Variants in TSPAN9 observed in about 807,000 individuals in gnomAD.
TSPAN9 encodes tetraspanin 9, also known as tetraspanin-9.
A neutral mutation model predicts 31.0 loss-of-function variants in TSPAN9; 16 were observed. The ratio of observed to expected loss-of-function variants is 0.52; its 90% CI spans 0.35 to 0.78. TSPAN9 has a LOEUF of 0.78. Among genes scored for constraint, TSPAN9 ranks in the 30% least tolerant of loss-of-function variants. The pLI is 0.01. For synonymous variants in TSPAN9, 145 were observed against 121.6 expected, an observed-to-expected ratio of 1.19 and a Z score of -1.27; for missense variants, 272 against 312.5, an observed-to-expected ratio of 0.87 and a Z score of 0.98.
intron 3 of TSPAN9, among the ~76,000 whole-genome samples, chr12:3,226,725 T>C (rs2098387487): frequency 2.6e-4 from 1 of 3,786 alleles, no homozygotes; most frequent in African/African-American, 4.4e-4. Flanking sequence ...TGTATGTGTG[T>C]GTGTGTGTGT....
chr12:3,132,841 C>T (rs1046417963), intron 2 of TSPAN9, among the ~76,000 whole-genome samples: 3 of 152,242 alleles, frequency 2.0e-5, no homozygotes, highest in Non-Finnish European at 4.4e-5. Context: ...TCATCGTCCC[C>T]ACCGCCCGCC....
At chr12:3,196,942 AAG>A (rs2098367323) in intron 2 of TSPAN9, among the ~76,000 whole-genome samples, 1 of 151,408 alleles carries the variant, frequency 6.6e-6, no homozygotes, top group African/African-American at 2.5e-5. Flanking sequence ...AGAGATGAAA[AAG>A]GGTTAGGAAG....
chr12:3,082,785 A>G lies in TSPAN9; in HGVS notation c.-84-868A>G, dbSNP rs140139138. Among the ~76,000 whole-genome samples the G allele has an allele frequency of 1.2e-3, 188 of 152,254 alleles. 1 individual carries two copies. Among genetic ancestry groups the G allele is most frequent in the Non-Finnish European group, 1.9e-3 (130 of 68,024 alleles). ...TGTGCTGGGTGATTGTGAAAATGCA[A>G]TGCCATTTGCTGTTTCCGGTAGGCA... On this transcript the variant is annotated intron_variant, in intron 1 of 8. Transcript: ENST00000011898.
At chr12:3,184,676 C>T (rs560099297) in intron 2 of TSPAN9, among the ~76,000 whole-genome samples, 12 of 151,932 alleles carry the variant, frequency 7.9e-5, no homozygotes, top group Admixed American at 3.9e-4. Flanking sequence ...GGGATGCTGC[C>T]GGGAGCCCCG....
Position 3,086,384 on chromosome 12 carries a change from AC to A in TSPAN9, c.-18+2669del, listed in dbSNP as rs1171258495. Reference sequence around the variant, plus strand: ...TATTATCTGTGCTTTGATTTACCACACCCCTTCCGCCCTCTGTTTTCTCTCA... The same window carrying A: ...TATTATCTGTGCTTTGATTTACCACACCCTTCCGCCCTCTGTTTTCTCTCA... On this transcript the variant is annotated intron_variant, in intron 2 of 8. Transcript: ENST00000011898. Among the ~76,000 whole-genome samples the A allele has an allele frequency of 2.0e-5, 3 of 150,288 alleles. No homozygotes were observed. In the East Asian group the frequency reaches 5.9e-4, roughly 29 times the overall value.
At chr12:3,264,888 C>T (rs1024823268) in intron 3 of TSPAN9, among the ~76,000 whole-genome samples, 21 of 152,296 alleles carry the variant, frequency 1.4e-4, no homozygotes, top group East Asian at 3.9e-4. Context: ...GGCTGGTAAA[C>T]GAGGGAACCT....
rs1335642500 is a variant in TSPAN9, at chr12:3,168,004, A to T, written c.-17-33173A>T. On this transcript the variant is annotated intron_variant, in intron 2 of 8. Transcript: ENST00000011898. The surrounding 1 kb of genome is among the most constrained non-coding windows in gnomAD (Gnocchi z 4.0). ...CTGTCCTCCTGGGAGGATTGGGGTC[A>T]GTTTGGTTTGCAGGCCTTTGTGGAT... Among the ~76,000 whole-genome samples the T allele has an allele frequency of 6.6e-6, 1 of 152,116 alleles. No individual in the cohort carries two copies. Among genetic ancestry groups the T allele is most frequent in the Non-Finnish European group, 1.5e-5 (1 of 68,022 alleles).
chr12:3,228,763 A>G (rs2098389173), intron 3 of TSPAN9, among the ~76,000 whole-genome samples: 2 of 152,330 alleles, frequency 1.3e-5, no homozygotes, highest in Admixed American at 6.5e-5. Context: ...ACAAATTACC[A>G]TACACTTGGT....
At chr12:3,182,619 T>G (rs939032108) in intron 2 of TSPAN9, among the ~76,000 whole-genome samples, 1 of 152,144 alleles carries the variant, frequency 6.6e-6, no homozygotes, top group Non-Finnish European at 1.5e-5. Context: ...GGAATACAAC[T>G]GGCACCCCAT....
At chr12:3,266,819 TG>T (rs1297472938) in intron 3 of TSPAN9, among the ~76,000 whole-genome samples, 1 of 152,140 alleles carries the variant, frequency 6.6e-6, no homozygotes, top group East Asian at 1.9e-4. Flanking sequence ...AATCAGGCTG[TG>T]GGCACAGGAT....
intron 2 of TSPAN9, among the ~76,000 whole-genome samples, chr12:3,100,178 C>T (rs1020791412): frequency 1.3e-5 from 2 of 152,184 alleles, no homozygotes; most frequent in African/African-American, 4.8e-5. Flanking sequence ...GGAATGTGAA[C>T]TCTGTCTGGC....
At chr12:3,145,282 G>A (rs372806229) in intron 2 of TSPAN9, among the ~76,000 whole-genome samples, 4 of 152,314 alleles carry the variant, frequency 2.6e-5, no homozygotes, top group Admixed American at 2.0e-4. Context: ...GCTCTCTCCC[G>A]TTGTGTCCTC....
At chr12:3,194,956 T>C (rs1308664023) in intron 2 of TSPAN9, among the ~76,000 whole-genome samples, 7 of 152,262 alleles carry the variant, frequency 4.6e-5, no homozygotes, top group Admixed American at 2.0e-4. Context: ...TTTTCTGTAC[T>C]GTACAGTGGA....
chr12:3,223,324 T>TC (rs1378540406), intron 3 of TSPAN9, among the ~76,000 whole-genome samples: 5 of 152,266 alleles, frequency 3.3e-5, no homozygotes, highest in South Asian at 4.1e-4. Context: ...CGCCAAGGCC[T>TC]CCTCCAGCAT....
Position 3,283,801 on chromosome 12 carries a change from A to T in TSPAN9, c.*685A>T, listed in dbSNP as rs1437188146. ...ATCTGTCCAGTCTCAATCAGGACAG[A>T]CCACCGTGCGACACCCAGGAGGCTC... On this transcript the variant is annotated 3_prime_UTR_variant, in exon 9 of 9. Transcript: ENST00000011898. 1 of 152,456 alleles carries T rather than the reference A, an allele frequency of 6.6e-6. No individual in the cohort carries two copies. Among genetic ancestry groups the T allele is most frequent in the Non-Finnish European group, 1.5e-5 (1 of 68,084 alleles). 9.4% of individuals were successfully genotyped at this position (152,456 alleles called of 1,614,324 possible).
intron 3 of TSPAN9, among the ~76,000 whole-genome samples, chr12:3,224,721 G>A (rs1308799784): frequency 3.3e-5 from 5 of 152,258 alleles, no homozygotes; most frequent in East Asian, 3.8e-4. Flanking sequence ...GGGTGGCCGC[G>A]TGATGGGCGG....
In TSPAN9 at chr12:3,274,846, C is replaced by T. The variant is rs73256366; in HGVS notation, c.64-3575C>T. ...TGCACAGGCCTCCTCACTGGGCAGA[C>T]GTGCACCATGCGTGGAGTTGTGCCA... On this transcript the variant is annotated intron_variant, in intron 3 of 8. Coordinates refer to ENST00000011898, the MANE Select transcript of TSPAN9 (RefSeq NM_006675.5). Among the ~76,000 whole-genome samples, 732 of 152,348 alleles carry T rather than the reference C, an allele frequency of 4.8e-3. 32 individuals carry two copies. The East Asian group carries it at 0.094, about 19-fold the overall frequency.
chr12:3,200,438 C>A (rs2098370802), intron 2 of TSPAN9: 1 of 152,324 alleles, frequency 6.6e-6, no homozygotes, highest in Non-Finnish European at 1.5e-5. Context: ...GCGGCAGCTC[C>A]GCAAAGTCGC....
intron 2 of TSPAN9, among the ~76,000 whole-genome samples, chr12:3,153,730 TTC>T (rs1221301222): frequency 1.3e-5 from 2 of 152,092 alleles, no homozygotes; most frequent in African/African-American, 2.4e-5. Context: ...CTCTGTCTGT[TTC>T]TCTGTCTAGC....
Sources: allele counts gnomAD v4.1 joint callset (sites outside exome capture counted in the v4.1 genomes callset), GRCh38; gene constraint gnomAD v4.1.1; non-coding constraint Gnocchi (gnomAD v3.1); transcripts MANE v1.5; gene names NCBI Gene and HGNC (gene_info 2026-07-23, HGNC 2026-07-21).